SGMS1: variants seen among roughly 807,000 people sequenced by gnomAD.
SGMS1 encodes sphingomyelin synthase 1.
Under a neutral mutation model 46.2 loss-of-function variants are expected in SGMS1, and 13 were observed. The ratio of observed to expected loss-of-function variants is 0.28; its 90% confidence interval spans 0.18 to 0.45. The LOEUF (loss-of-function observed/expected upper bound fraction) is 0.45, where lower values mean the gene tolerates loss of function less well. Among genes scored for constraint, SGMS1 ranks in the 20% least tolerant of loss-of-function variants. The pLI, the probability that SGMS1 is intolerant of heterozygous loss-of-function variation, is 1.00. For missense variants in SGMS1, 324 were observed against 519.9 expected (o/e 0.62, Z 3.66); for synonymous variants, 203 against 187.8 (o/e 1.08, Z -0.66).
chr10:50,600,543 C>T (rs1838639961), intron 1 of SGMS1, among the ~76,000 whole-genome samples: 1 of 152,184 alleles, frequency 6.6e-6, no homozygotes, highest in African/African-American at 2.4e-5. Context: ...CCAATCACAT[C>T]CCAGCTGCCT....
intron 7 of SGMS1, among the ~76,000 whole-genome samples, chr10:50,332,052 TTA>T (rs1046365535): frequency 1.3e-5 from 2 of 152,204 alleles, no homozygotes; most frequent in African/African-American, 2.4e-5. Flanking sequence ...TTTGAAACAG[TTA>T]AACAGGTATG....
At chr10:50,577,454 A>G (rs1244438323) in intron 2 of SGMS1, among the ~76,000 whole-genome samples, 1 of 152,220 alleles carries the variant, frequency 6.6e-6, no homozygotes, top group Non-Finnish European at 1.5e-5. Context: ...CAACAACAAC[A>G]AAAGGTCCCT....
chr10:50,309,531 G>C (rs1564870023), intron 9 of SGMS1, among the ~76,000 whole-genome samples: 2 of 152,146 alleles, frequency 1.3e-5, no homozygotes, highest in Non-Finnish European at 1.5e-5. Flanking sequence ...TCAGGTATCA[G>C]GCAGCAGGAG....
At chr10:50,530,590 T>C (rs536599951) in intron 2 of SGMS1, among the ~76,000 whole-genome samples, 64 of 152,114 alleles carry the variant, frequency 4.2e-4, no homozygotes, top group African/African-American at 1.4e-3. Flanking sequence ...CTCCAAGCGA[T>C]CCTCCCGCCT....
chr10:50,624,233 A>C (rs1236755997), upstream of SGMS1: 2 of 545,706 alleles, frequency 3.7e-6, no homozygotes, highest in African/African-American at 4.1e-5. Context: ...CAGATTTTAC[A>C]ATCTGGGACG....
At chr10:50,488,496 G>T (rs547704769) in intron 3 of SGMS1, among the ~76,000 whole-genome samples, 14 of 152,262 alleles carry the variant, frequency 9.2e-5, no homozygotes, top group African/African-American at 2.9e-4. Flanking sequence ...TTCTTTTGAA[G>T]AAATTAATAT....
chr10:50,450,011 G>C (rs1168055671), intron 5 of SGMS1, among the ~76,000 whole-genome samples: 1 of 152,024 alleles, frequency 6.6e-6, no homozygotes, highest in Non-Finnish European at 1.5e-5. Context: ...TGTAAATAAA[G>C]ACCTTAGAAT....
At chr10:50,611,392 C>T (rs1838747787) in intron 1 of SGMS1, among the ~76,000 whole-genome samples, 1 of 152,216 alleles carries the variant, frequency 6.6e-6, no homozygotes, top group Non-Finnish European at 1.5e-5. Flanking sequence ...AAAGCCACTG[C>T]CCCAAAAGGA....
rs530064451 is a variant in SGMS1 at position 50,607,865 on chromosome 10, C to A, written c.-684+15842G>T. ...TTAATAAGTTGGAAAGAAACTACCA[C>A]TCATATTGTATTACATGGACAGAGC... On this transcript the variant is annotated intron_variant, in intron 1 of 10. Transcript: ENST00000361781. 5.9e-5 allele frequency among the ~76,000 whole-genome samples: 9 copies of A among 152,286 alleles called. No individual in the cohort carries two copies. The South Asian group carries it at 1.9e-3, about 32-fold the overall frequency.
At chr10:50,473,267 A>G (rs1837394398) in intron 3 of SGMS1, among the ~76,000 whole-genome samples, 1 of 152,242 alleles carries the variant, frequency 6.6e-6, no homozygotes, top group Non-Finnish European at 1.5e-5. Context: ...GGGTTATGTC[A>G]TATCTCAAAT....
At chr10:50,345,816 A>G (rs1167885050) in intron 6 of SGMS1, among the ~76,000 whole-genome samples, 3 of 152,234 alleles carry the variant, frequency 2.0e-5, no homozygotes, top group Non-Finnish European at 2.9e-5. Context: ...GGTCCCAAGC[A>G]TTTTGGATAA....
Position 50,536,762 on chromosome 10 carries a change from C to A in SGMS1, c.-588-16841G>T, listed in dbSNP as rs146828516. Among the ~76,000 whole-genome samples, 15 of 152,220 alleles carry A rather than the reference C, an allele frequency of 9.9e-5. No individual in the cohort carries two copies. In the East Asian group the frequency reaches 1.4e-3, roughly 14 times the overall value. On this transcript the variant is annotated intron_variant, in intron 2 of 10. Transcript: ENST00000361781. ...GTCCCATGTCATACTTTTCTTCATA[C>A]ATGAAAAATATGAAAAACATGCTAT... is the stretch of plus-strand genomic sequence containing the variant.
intron 4 of SGMS1, among the ~76,000 whole-genome samples, chr10:50,464,310 C>T (rs1837303255): frequency 6.6e-6 from 1 of 152,094 alleles, no homozygotes; most frequent in Non-Finnish European, 1.5e-5. Context: ...ACCATTTGAC[C>T]ACTGCTGACT....
intron 5 of SGMS1, among the ~76,000 whole-genome samples, chr10:50,436,328 T>C (rs557323698): frequency 1.3e-5 from 2 of 152,182 alleles, no homozygotes; most frequent in South Asian, 2.1e-4. Flanking sequence ...AGGATGGTCT[T>C]GATCTCCTGA....
At chr10:50,328,130 A>G in intron 7 of SGMS1, 1 of 359,680 alleles carries the variant, frequency 2.8e-6, no homozygotes, top group African/African-American at 2.2e-5. Context: ...CTATCTATAT[A>G]CATACACATG....
At chr10:50,362,606 G>A (rs1848267720) in intron 6 of SGMS1, among the ~76,000 whole-genome samples, 1 of 152,140 alleles carries the variant, frequency 6.6e-6, no homozygotes, top group African/African-American at 2.4e-5. Flanking sequence ...GGACTCCCAT[G>A]GAAAAAGTAA....
intron 1 of SGMS1, among the ~76,000 whole-genome samples, chr10:50,601,903 C>T (rs1193202702): frequency 1.3e-5 from 2 of 152,156 alleles, no homozygotes; most frequent in Non-Finnish European, 2.9e-5. Flanking sequence ...ATTTTATATG[C>T]GATATTTTTA....
intron 1 of SGMS1, among the ~76,000 whole-genome samples, chr10:50,599,841 C>A (rs1479302876): frequency 6.6e-6 from 1 of 151,888 alleles, no homozygotes; most frequent in Non-Finnish European, 1.5e-5. Context: ...CCAGCCTGGG[C>A]GACAGACCAA....
intron 1 of SGMS1, among the ~76,000 whole-genome samples, chr10:50,609,142 G>A (rs1043618187): frequency 3.9e-5 from 6 of 152,022 alleles, no homozygotes; most frequent in South Asian, 4.2e-4. Context: ...ATGCCACCAC[G>A]TCTAATTTTT....
Sources: gnomAD v4.1 joint callset for allele counts (sites outside exome capture counted in the v4.1 genomes callset) on GRCh38, gnomAD v4.1.1 for gene constraint, MANE v1.5 for transcripts, NCBI Gene and HGNC (gene_info 2026-07-23, HGNC 2026-07-21) for gene names.